SNX29: variants seen among roughly 807,000 people sequenced by gnomAD.
SNX29 encodes sorting nexin 29.
A neutral mutation model predicts 102.1 loss-of-function variants in SNX29; 78 were observed. The observed-to-expected ratio is 0.76, with a 90% CI of 0.64 to 0.92. The LOEUF (loss-of-function observed/expected upper bound fraction) is 0.92. Among genes scored for constraint, SNX29 ranks in the 40% least tolerant of loss-of-function variants. SNX29 has a pLI of 0.00. For missense variants in SNX29, 1,280 were observed against 1,061.7 expected (o/e 1.21, Z -2.86); for synonymous variants, 580 against 414.5 (o/e 1.40, Z -4.85).
rs557764963 is a variant in SNX29, at chr16:12,570,980, C to T, written c.*2351C>T. Reference sequence around the variant, plus strand: ...CCCAGCTGCCTGCTCCTGGTACCTCCCCCATGATCATGCACAGACCGTAGA... The same window carrying T: ...CCCAGCTGCCTGCTCCTGGTACCTCTCCCATGATCATGCACAGACCGTAGA... On this transcript the variant is annotated 3_prime_UTR_variant, in exon 21 of 21. Coordinates refer to ENST00000566228, the MANE Select transcript of SNX29 (RefSeq NM_032167.5). The T allele has an allele frequency of 4.8e-4, 111 of 232,540 alleles. 1 individual carries two copies. The highest frequency in any genetic ancestry group is 2.6e-3 in the Middle Eastern group (2 of 784). The allele number at this position is 232,540 out of a possible 1,614,324, so 14.4% of individuals were successfully genotyped here. A position where few individuals can be genotyped will look rare whatever the true frequency, so the allele number is the denominator to read the frequency against.
intron 3 of SNX29, among the ~76,000 whole-genome samples, chr16:12,006,993 A>G (rs2056477025): frequency 6.6e-6 from 1 of 152,160 alleles, no homozygotes; most frequent in Non-Finnish European, 1.5e-5. Flanking sequence ...ACGTTTTGGA[A>G]CGGCTAGAGT....
intron 19 of SNX29, among the ~76,000 whole-genome samples, chr16:12,522,134 T>C (rs146235189): frequency 6.0e-4 from 91 of 152,266 alleles, no homozygotes; most frequent in Middle Eastern, 3.4e-3. Context: ...CTAGAGAAAA[T>C]ATAAGGATGC....
At chr16:12,111,744 T>C (rs2053510203) in intron 11 of SNX29, among the ~76,000 whole-genome samples, 1 of 152,168 alleles carries the variant, frequency 6.6e-6, no homozygotes, top group Admixed American at 6.5e-5. Context: ...TCATTTCAGA[T>C]GGTTTAGGAA....
At chr16:12,156,495 G>A (rs555834418) in intron 13 of SNX29, among the ~76,000 whole-genome samples, 49 of 152,262 alleles carry the variant, frequency 3.2e-4, no homozygotes, top group African/African-American at 8.7e-4. Flanking sequence ...AGGAAGGGGC[G>A]CAGGTTGCCT....
chr16:12,076,130 A>G (rs908155491), intron 10 of SNX29, among the ~76,000 whole-genome samples: 21 of 152,218 alleles, frequency 1.4e-4, no homozygotes, highest in African/African-American at 4.1e-4. Flanking sequence ...GAGTGAGGCA[A>G]TGCCTCACCC....
intron 15 of SNX29, among the ~76,000 whole-genome samples, chr16:12,337,432 C>T (rs557564706): frequency 1.6e-4 from 24 of 152,018 alleles, no homozygotes; most frequent in Non-Finnish European, 3.1e-4. Context: ...GCCTCGACCT[C>T]CTGGGCTCAA....
In SNX29 at chr16:12,129,730, C is replaced by G. The variant is rs1262911704; in HGVS notation, c.1567C>G (p.Gln523Glu). The change falls in exon 13 of 21, where the codon CAG becomes GAG. Residue 523 changes from glutamine (Q) to glutamate (E), a missense_variant. Physicochemically the swap from Gln to Glu is conservative, Grantham distance 29 (BLOSUM62 2). Coordinates refer to ENST00000566228, the MANE Select transcript of SNX29 (RefSeq NM_032167.5). Reference sequence around the variant, plus strand: ...GAAGGTGGCTGAACAGGAGGAGCGGCAGGGCATGAAGGTCCAGGCGCTGGC... The same window carrying G: ...GAAGGTGGCTGAACAGGAGGAGCGGGAGGGCATGAAGGTCCAGGCGCTGGC... ...KRKVAEQEER[Q>E]GMKVQALARE... 1 of 1,609,502 alleles carries G rather than the reference C, an allele frequency of 6.2e-7. No homozygotes were observed. The highest frequency in any genetic ancestry group is 1.3e-5 in the African/African-American group (1 of 74,918).
chr16:12,554,636 C>G (rs534646853), intron 20 of SNX29, among the ~76,000 whole-genome samples: 15 of 152,322 alleles, frequency 9.8e-5, no homozygotes, highest in Admixed American at 9.1e-4. Flanking sequence ...CTCAGTTTCC[C>G]CAGGTTTCAC....
chr16:12,028,667 A>G (rs55713326), intron 4 of SNX29, among the ~76,000 whole-genome samples: 4,158 of 152,090 alleles, frequency 0.027, 72 homozygotes, highest in Non-Finnish European at 0.046. Flanking sequence ...CCTGGCTCCA[A>G]CAGTTCTTTT....
chr16:12,569,745 C>T lies in SNX29; in HGVS notation c.*1116C>T, dbSNP rs891164957. ...AGCTGGGCAGCCCCCAGGGCTCCTCCTCCAGTGAGCTCACATCAGAGCACC... is the reference window on the plus strand; with the variant it reads ...AGCTGGGCAGCCCCCAGGGCTCCTCTTCCAGTGAGCTCACATCAGAGCACC... On this transcript the variant is annotated 3_prime_UTR_variant, in exon 21 of 21. Transcript: ENST00000566228. The T allele has an allele frequency of 2.2e-5, 5 of 230,572 alleles. No individual in the cohort carries two copies. The East Asian group carries it at 2.5e-4, about 11-fold the overall frequency. 14.3% of individuals were successfully genotyped at this position (230,572 alleles called of 1,614,324 possible).
chr16:12,513,612 G>T (rs939504890), intron 19 of SNX29, among the ~76,000 whole-genome samples: 1 of 152,140 alleles, frequency 6.6e-6, no homozygotes, highest in South Asian at 2.1e-4. Context: ...TCTCAGCCAC[G>T]CCGTTGCCCC....
intron 13 of SNX29, among the ~76,000 whole-genome samples, chr16:12,154,657 C>T (rs947550809): frequency 6.6e-6 from 1 of 152,168 alleles, no homozygotes; most frequent in Non-Finnish European, 1.5e-5. Flanking sequence ...ACAAAAAGTA[C>T]CAGAAACTGG....
chr16:12,493,158 C>G (rs1002592146), intron 19 of SNX29, among the ~76,000 whole-genome samples: 1 of 152,172 alleles, frequency 6.6e-6, no homozygotes, highest in Non-Finnish European at 1.5e-5. Flanking sequence ...TTCTTCCTAC[C>G]CATGAGGATG....
At chr16:12,277,029 T>C (rs893321320) in intron 14 of SNX29, among the ~76,000 whole-genome samples, 2 of 152,200 alleles carry the variant, frequency 1.3e-5, no homozygotes, top group Non-Finnish European at 2.9e-5. Flanking sequence ...CACAGCTGGC[T>C]GTCAGCAGGC....
intron 15 of SNX29, among the ~76,000 whole-genome samples, chr16:12,292,603 G>C (rs1369988792): frequency 6.6e-6 from 1 of 152,202 alleles, no homozygotes; most frequent in African/African-American, 2.4e-5. Context: ...GATTGTAAGG[G>C]GCACTGCCAG....
chr16:12,333,757 C>T (rs940390494), intron 15 of SNX29, among the ~76,000 whole-genome samples: 2 of 152,114 alleles, frequency 1.3e-5, no homozygotes, highest in Non-Finnish European at 2.9e-5. Flanking sequence ...CTGTATCTCT[C>T]ACAGAGCCTA....
At chr16:12,406,936 C>T (rs561128462) in intron 18 of SNX29, among the ~76,000 whole-genome samples, 5 of 152,256 alleles carry the variant, frequency 3.3e-5, no homozygotes, top group Admixed American at 3.3e-4. Context: ...ATGAAAGATT[C>T]GGCTCCTCAG....
chr16:12,230,187 G>A (rs2077728005), intron 14 of SNX29, among the ~76,000 whole-genome samples: 1 of 152,212 alleles, frequency 6.6e-6, no homozygotes, highest in Non-Finnish European at 1.5e-5. Context: ...TTCATTAGTT[G>A]TCAAAGTTTG....
chr16:12,033,174 A>T (rs1309169961), intron 4 of SNX29, among the ~76,000 whole-genome samples: 1 of 152,096 alleles, frequency 6.6e-6, no homozygotes, highest in Non-Finnish European at 1.5e-5. Context: ...TTTTTAAATT[A>T]GAGAAAAGGT....
Sources: gnomAD v4.1 joint callset for allele counts (sites outside exome capture counted in the v4.1 genomes callset) on GRCh38, gnomAD v4.1.1 for gene constraint, MANE v1.5 for transcripts, NCBI Gene and HGNC (gene_info 2026-07-23, HGNC 2026-07-21) for gene names.